MTUS2: variants seen among roughly 807,000 people sequenced by gnomAD.
MTUS2 encodes microtubule-associated tumor suppressor candidate 2.
In MTUS2, 40 loss-of-function variants were observed where a neutral mutation model predicts 114.1. The observed-to-expected ratio is 0.35, with a 90% CI of 0.27 to 0.46. The LOEUF is 0.46. Among genes scored for constraint, MTUS2 ranks in the 20% least tolerant of loss-of-function variants. MTUS2 has a pLI of 1.00. For synonymous variants in MTUS2, 688 were observed against 672.0 expected (o/e 1.02, Z -0.37); for missense variants, 1,679 against 1,705.4 (o/e 0.98, Z 0.27).
At chr13:29,460,022 A>C (rs1256247942) in intron 9 of MTUS2, among the ~76,000 whole-genome samples, 1 of 152,210 alleles carries the variant, frequency 6.6e-6, no homozygotes, top group African/African-American at 2.4e-5. Flanking sequence ...GACCACAGGT[A>C]TATCATTCAT....
At chr13:29,233,233 G>GAA (rs5802513) in intron 5 of MTUS2, among the ~76,000 whole-genome samples, 3,913 of 147,542 alleles carry the variant, frequency 0.027, 69 homozygotes, top group African/African-American at 0.043. Flanking sequence ...CATTTTTTAA[G>GAA]AAAAAAAAAA....
chr13:29,450,808 A>T (rs1399295905), intron 9 of MTUS2, among the ~76,000 whole-genome samples: 1 of 152,256 alleles, frequency 6.6e-6, no homozygotes. Flanking sequence ...ATATCACACA[A>T]AGTAGACTTC....
At chr13:29,173,335 A>G (rs1893639483) in intron 5 of MTUS2, among the ~76,000 whole-genome samples, 1 of 152,148 alleles carries the variant, frequency 6.6e-6, no homozygotes, top group South Asian at 2.1e-4. Flanking sequence ...GAATTCTCCA[A>G]TCACTTGTTT....
At chr13:29,330,495 C>T (rs1014818624) in intron 7 of MTUS2, among the ~76,000 whole-genome samples, 6 of 152,052 alleles carry the variant, frequency 3.9e-5, no homozygotes, top group Non-Finnish European at 7.4e-5. Flanking sequence ...GTGTTTTAGT[C>T]GTGAAGTTTG....
chr13:29,495,706 A>G (rs1882506469), intron 12 of MTUS2, among the ~76,000 whole-genome samples: 1 of 151,986 alleles, frequency 6.6e-6, no homozygotes, highest in African/African-American at 2.4e-5. Context: ...CCCCATCTCT[A>G]CTAAAAATAC....
intron 2 of MTUS2, among the ~76,000 whole-genome samples, chr13:28,840,233 G>A (rs1178009769): frequency 6.6e-6 from 1 of 152,164 alleles, no homozygotes; most frequent in East Asian, 1.9e-4. Context: ...TGAGCTTTAA[G>A]TAGGGGATGT....
chr13:29,009,491 G>C (rs2138415399), intron 2 of MTUS2, among the ~76,000 whole-genome samples: 1 of 152,176 alleles, frequency 6.6e-6, no homozygotes, highest in East Asian at 1.9e-4. Context: ...TTGTTGTTTG[G>C]TTATATTGAT....
chr13:28,903,634 G>A (rs1187499204), intron 2 of MTUS2, among the ~76,000 whole-genome samples: 1 of 151,836 alleles, frequency 6.6e-6, no homozygotes, highest in Non-Finnish European at 1.5e-5. Context: ...TGGTGTATAT[G>A]TGCCACATTT....
At chr13:29,228,831 A>C (rs1224379656) in intron 5 of MTUS2, among the ~76,000 whole-genome samples, 1 of 152,114 alleles carries the variant, frequency 6.6e-6, no homozygotes, top group East Asian at 1.9e-4. Flanking sequence ...TAGATAAACA[A>C]ATTTTCTCCC....
chr13:29,254,002 G>A (rs149902834), intron 5 of MTUS2, among the ~76,000 whole-genome samples: 1 of 152,298 alleles, frequency 6.6e-6, no homozygotes, highest in Admixed American at 6.5e-5. Context: ...TGAGATTTGG[G>A]AGGGGACACA....
chr13:29,389,127 TCA>T (rs1354338255), intron 8 of MTUS2, among the ~76,000 whole-genome samples: 1 of 150,210 alleles, frequency 6.7e-6, no homozygotes, highest in African/African-American at 2.5e-5. Context: ...GTTGTTTTAA[TCA>T]CAGTTTTCCT....
rs1249478145 is a variant in MTUS2 at position 29,325,412 on chromosome 13, C to T, written c.2905+701C>T. On this transcript the variant is annotated intron_variant, in intron 7 of 15. Transcript: ENST00000612955. ...TGGAGGTTGCAGTGAGCCGAGATCA[C>T]GCCACCACACTCCAGCCTGGGTGAC... Among the ~76,000 whole-genome samples, 25 of 148,074 alleles carry T rather than the reference C, an allele frequency of 1.7e-4. No individual in the cohort carries two copies. In the South Asian group the frequency reaches 3.4e-3, roughly 20 times the overall value.
At chr13:29,188,388 G>A (rs562854095) in intron 5 of MTUS2, among the ~76,000 whole-genome samples, 15 of 152,226 alleles carry the variant, frequency 9.9e-5, no homozygotes, top group Non-Finnish European at 1.8e-4. Flanking sequence ...TTATATGAAT[G>A]AGCCCGAAAT....
chr13:29,360,688 A>AACCCCCC (rs1870153205), intron 8 of MTUS2, among the ~76,000 whole-genome samples: 1 of 87,154 alleles, frequency 1.1e-5, no homozygotes. Flanking sequence ...GTAGCCGAAC[A>AACCCCCC]CCCCCCCCCC....
intron 4 of MTUS2, among the ~76,000 whole-genome samples, chr13:29,065,616 T>TAGACAACA (rs1344772596): frequency 1.3e-5 from 2 of 152,188 alleles, no homozygotes; most frequent in African/African-American, 4.8e-5. Flanking sequence ...CATAGTCTGT[T>TAGACAACA]GTCTGTTAAC....
intron 2 of MTUS2, among the ~76,000 whole-genome samples, chr13:28,948,681 C>T (rs574352571): frequency 6.6e-6 from 1 of 152,092 alleles, no homozygotes; most frequent in Non-Finnish European, 1.5e-5. Flanking sequence ...CAACATATTC[C>T]AGAGCACCGT....
intron 2 of MTUS2, among the ~76,000 whole-genome samples, chr13:28,889,614 T>A (rs58790684): frequency 0.036 from 5,458 of 152,254 alleles, 315 homozygotes; most frequent in African/African-American, 0.12. Context: ...TTATGACGCA[T>A]GCTGAAATAT....
At chr13:29,441,470 C>A (rs769352136) in intron 9 of MTUS2, among the ~76,000 whole-genome samples, 2 of 152,236 alleles carry the variant, frequency 1.3e-5, no homozygotes, top group Non-Finnish European at 2.9e-5. Flanking sequence ...GCAGCATTCA[C>A]AGTGACAGCT....
At position 29,505,204 on chromosome 13, in the gene MTUS2, A is replaced by AT; in HGVS notation, c.*2000dup. Reference sequence around the variant, plus strand: ...TAGCAGGCACAACCTGCAAACACAAATTCAGTTACAGCTTAGCTGTCCGAA... The same window carrying AT: ...TAGCAGGCACAACCTGCAAACACAAATTTCAGTTACAGCTTAGCTGTCCGAA... On this transcript the variant is annotated 3_prime_UTR_variant, in exon 16 of 16. Coordinates refer to ENST00000612955, the MANE Select transcript of MTUS2 (RefSeq NM_001033602.4). 1 of 231,902 alleles carries AT rather than the reference A, an allele frequency of 4.3e-6. No homozygotes were observed. The highest frequency in any genetic ancestry group is 2.2e-5 in the African/African-American group (1 of 45,374). The allele number at this position is 231,902 out of a possible 1,614,324, so 14.4% of individuals were successfully genotyped here. A position where few individuals can be genotyped will look rare whatever the true frequency, so the allele number is the denominator to read the frequency against.
Sources: gnomAD v4.1 joint callset for allele counts (sites outside exome capture counted in the v4.1 genomes callset) on GRCh38, gnomAD v4.1.1 for gene constraint, MANE v1.5 for transcripts, NCBI Gene and HGNC (gene_info 2026-07-23, HGNC 2026-07-21) for gene names.